The following BPIFB2 variants were observed in gnomAD, a reference collection of about 807,000 sequenced individuals.
BPIFB2 encodes the protein BPI fold-containing family B member 2.
A neutral mutation model predicts 50.1 loss-of-function variants in BPIFB2; 39 were observed. The ratio of observed to expected loss-of-function variants is 0.78; its 90% CI spans 0.60 to 1.02. The LOEUF is 1.02. BPIFB2 is among the 50% of genes least tolerant of loss of function. The pLI is 0.00. For synonymous variants in BPIFB2, 280 were observed against 256.3 expected (o/e 1.09, Z -0.88); for missense variants, 574 against 585.8 (o/e 0.98, Z 0.21).
At chr20:33,014,627 C>G (rs892915468) in intron 5 of BPIFB2, among the ~76,000 whole-genome samples, 1 of 152,224 alleles carries the variant, frequency 6.6e-6, no homozygotes, top group Non-Finnish European at 1.5e-5. Flanking sequence ...TCCCCCTAGA[C>G]GATGTCTGCA....
At chr20:33,021,232 C>A (rs1370671605) in intron 13 of BPIFB2, 49 bp from the exon 14 acceptor site, 20 of 1,592,988 alleles carry the variant, frequency 1.3e-5, no homozygotes, top group Non-Finnish European at 1.7e-5. Context: ...TCCATCTCTC[C>A]TGGCCCCTCG....
intron 15 of BPIFB2, among the ~76,000 whole-genome samples, chr20:33,023,011 T>G (rs1263654416): frequency 6.6e-6 from 1 of 151,804 alleles, no homozygotes; most frequent in Non-Finnish European, 1.5e-5. Context: ...CTATGGGGGG[T>G]GCCTGAGTCT....
chr20:33,022,181 G>A (rs1043771940), intron 15 of BPIFB2, among the ~76,000 whole-genome samples: 1 of 152,184 alleles, frequency 6.6e-6, no homozygotes, highest in Non-Finnish European at 1.5e-5. Flanking sequence ...TGCTTTCCCT[G>A]GACCTGAAAT....
chr20:33,022,333 C>G (rs1329665172), intron 15 of BPIFB2, among the ~76,000 whole-genome samples: 1 of 152,186 alleles, frequency 6.6e-6, no homozygotes, highest in South Asian at 2.1e-4. Flanking sequence ...TCTCTCAAGC[C>G]CAATGTCTCA....
Position 33,023,422 on chromosome 20 carries a change from C to T in BPIFB2, c.*39C>T. The T allele has an allele frequency of 6.2e-7, 1 of 1,602,870 alleles. No individual in the cohort carries two copies. The highest frequency in any genetic ancestry group is 8.5e-7 in the Non-Finnish European group (1 of 1,169,902). On this transcript the variant is annotated 3_prime_UTR_variant, in exon 16 of 16. Transcript: ENST00000170150. ...GGAGGCCTGAGAGTGGGCCAGCTCG[C>T]TGCTCAGGCGAATTTCTCATTTCAA...
chr20:33,010,512 A>G (rs1398902545), intron 2 of BPIFB2, among the ~76,000 whole-genome samples: 2 of 152,236 alleles, frequency 1.3e-5, no homozygotes, highest in Non-Finnish European at 2.9e-5. Flanking sequence ...GAGTAGCCAC[A>G]CAGGCAGTGA....
At chr20:33,015,284 C>T in intron 5 of BPIFB2, 152 bp from the exon 6 acceptor site, 2 of 593,950 alleles carry the variant, frequency 3.4e-6, no homozygotes, top group Non-Finnish European at 2.9e-6. Flanking sequence ...GTTATGCCAG[C>T]ACTGTGTCTG....
Position 33,019,114 on chromosome 20 carries a change from A to T in BPIFB2, c.908A>T (p.Glu303Val). Residue 303 changes from glutamate to valine, a missense_variant and splice_region_variant, in exon 10 of 16, where the codon GAG becomes GTG. Transcript: ENST00000170150. ...TCTGCTCTGGGCCGGCTCATCCCGGAGGTCGGTGATGTTTCTGATCATTCC... is the reference window on the plus strand; with the variant it reads ...TCTGCTCTGGGCCGGCTCATCCCGGTGGTCGGTGATGTTTCTGATCATTCC... Reference protein sequence around the residue: ...NTSALGRLIPEVARQFPEPMP... With the variant: ...NTSALGRLIPVVARQFPEPMP... 1 of 1,613,930 alleles carries T rather than the reference A, an allele frequency of 6.2e-7. No homozygotes were observed. The highest frequency in any genetic ancestry group is 2.2e-5 in the East Asian group (1 of 44,860).
chr20:33,008,707 GTGTC>G, intron 2 of BPIFB2, 24 bp downstream of exon 2: 1 of 1,559,086 alleles, frequency 6.4e-7, no homozygotes, highest in Non-Finnish European at 8.7e-7. Context: ...TACCCAGTGA[GTGTC>G]TGTGAGCCTG....
At chr20:33,017,236 C>G (rs1012428131) in intron 7 of BPIFB2, 134 bp downstream of exon 7, 16 of 662,090 alleles carry the variant, frequency 2.4e-5, no homozygotes, top group Non-Finnish European at 3.8e-5. Context: ...GAATTGTGAG[C>G]TCCCAAAACA....
In BPIFB2 at chr20:33,010,840, C is replaced by G. The variant is rs115077619; in HGVS notation, c.110-184C>G. Reference sequence around the variant, plus strand: ...ATGCCCAGGTGGAGAGAGCCTGATGCGAGTGGTGCACCCAAGGTGGGCTCA... The same window carrying G: ...ATGCCCAGGTGGAGAGAGCCTGATGGGAGTGGTGCACCCAAGGTGGGCTCA... On this transcript the variant is annotated intron_variant, in intron 2 of 15. Coordinates refer to ENST00000170150, the MANE Select transcript of BPIFB2 (RefSeq NM_025227.3). 5.1e-3 allele frequency among the ~76,000 whole-genome samples: 773 copies of G among 152,134 alleles called. 10 individuals are homozygous for G. The highest frequency in any genetic ancestry group is 0.018 in the African/African-American group (734 of 41,474).
chr20:33,009,733 C>T lies in BPIFB2; in HGVS notation c.109+1050C>T, dbSNP rs936478878. ...CCCTCCGCCGCCTTCCTGCCCTCTG[C>T]CCATCCTGTGCAAGCCTCCTTTGTC... On this transcript the variant is annotated intron_variant, in intron 2 of 15. Coordinates refer to ENST00000170150, the MANE Select transcript of BPIFB2 (RefSeq NM_025227.3). The surrounding 1 kb of genome is among the most constrained non-coding windows in gnomAD (Gnocchi z 4.2). 7.9e-5 allele frequency among the ~76,000 whole-genome samples: 12 copies of T among 152,254 alleles called. No individual in the cohort carries two copies. Among genetic ancestry groups the T allele is most frequent in the African/African-American group, 1.4e-4 (6 of 41,470 alleles).
intron 3 of BPIFB2, among the ~76,000 whole-genome samples, chr20:33,012,332 T>G (rs1027542823): frequency 1.3e-5 from 2 of 152,198 alleles, no homozygotes; most frequent in African/African-American, 4.8e-5. Flanking sequence ...AACTGTACAG[T>G]GCAGAAATGA....
rs1292364069 is a variant in BPIFB2 at position 33,012,791 on chromosome 20, A to T, written c.204-12A>T. ...TGGGGGCCACTCTGTCACCTTGATT[A>T]CTACCCTGCAGGATCCGGATTCTGA... On this transcript the variant is annotated splice_polypyrimidine_tract_variant and intron_variant, in intron 3 of 15. Transcript: ENST00000170150. 6.2e-7 allele frequency: 1 copy of T among 1,603,600 alleles called. No homozygotes were observed. The highest frequency in any genetic ancestry group is 8.5e-7 in the Non-Finnish European group (1 of 1,170,626).
intron 4 of BPIFB2, among the ~76,000 whole-genome samples, chr20:33,013,226 A>G (rs1990313183): frequency 6.6e-6 from 1 of 152,142 alleles, no homozygotes; most frequent in Non-Finnish European, 1.5e-5. Flanking sequence ...TGTGATTATA[A>G]TGACTGTCCT....
At chr20:33,022,636 T>C (rs1978717459) in intron 15 of BPIFB2, among the ~76,000 whole-genome samples, 1 of 152,220 alleles carries the variant, frequency 6.6e-6, no homozygotes, top group Non-Finnish European at 1.5e-5. Context: ...AAATTTATAC[T>C]GTCCAAAGCA....
chr20:33,013,762 G>C, intron 4 of BPIFB2, 48 bp from the exon 5 acceptor site: 1 of 1,584,244 alleles, frequency 6.3e-7, no homozygotes, highest in Non-Finnish European at 8.6e-7. Flanking sequence ...AGTCATGGTG[G>C]GCTCTGCTGG....
chr20:33,023,473 C>A lies in BPIFB2; in HGVS notation c.*90C>A. 1 of 1,442,442 alleles carries A rather than the reference C, an allele frequency of 6.9e-7. No homozygotes were observed. The allele number at this position is 1,442,442 out of a possible 1,614,324, so 89.4% of individuals were successfully genotyped here. ...GCCACTGGGGAAACTGAGGCAAAAC[C>A]ATACTTAGTCATCACCAACAAGCTG... On this transcript the variant is annotated 3_prime_UTR_variant, in exon 16 of 16. Transcript: ENST00000170150.
intron 7 of BPIFB2, 131 bp from the exon 8 acceptor site, chr20:33,018,128 T>C (rs1392278305): frequency 2.0e-5 from 14 of 685,062 alleles, no homozygotes; most frequent in African/African-American, 5.5e-5. Context: ...TTGCTCTGCC[T>C]CTTTTGTTTC....
Sources: gnomAD v4.1 joint callset for allele counts (sites outside exome capture counted in the v4.1 genomes callset) on GRCh38, gnomAD v4.1.1 for gene constraint, Gnocchi (gnomAD v3.1) non-coding constraint, MANE v1.5 for transcripts, NCBI Gene and HGNC (gene_info 2026-07-23, HGNC 2026-07-21) for gene names.